LAMA2: variants seen among roughly 807,000 people sequenced by gnomAD.
LAMA2 encodes laminin subunit alpha 2.
A neutral mutation model predicts 364.8 loss-of-function variants in LAMA2; 269 were observed. That is an observed-to-expected ratio of 0.74 (90% CI 0.67 to 0.82). The LOEUF is 0.82. LAMA2 is among the 40% of genes least tolerant of loss of function. LAMA2 has a pLI of 0.00. For synonymous variants in LAMA2, 1,379 were observed against 1,370.6 expected (o/e 1.01, Z -0.14); for missense variants, 3,807 against 3,873.2 (o/e 0.98, Z 0.45).
At chr6:129,135,342 G>A (rs1204814348) in intron 4 of LAMA2, among the ~76,000 whole-genome samples, 1 of 152,124 alleles carries the variant, frequency 6.6e-6, no homozygotes, top group Non-Finnish European at 1.5e-5. Context: ...GGGCCTAGAT[G>A]ACCAGTTCTT....
At chr6:129,247,798 T>C (rs780296140) in intron 12 of LAMA2, among the ~76,000 whole-genome samples, 1 of 152,260 alleles carries the variant, frequency 6.6e-6, no homozygotes, top group Non-Finnish European at 1.5e-5. Context: ...AATGTTTTAC[T>C]ATTATCGCTA....
intron 1 of LAMA2, among the ~76,000 whole-genome samples, chr6:128,916,402 G>C (rs1778318612): frequency 6.6e-6 from 1 of 152,120 alleles, no homozygotes; most frequent in Admixed American, 6.5e-5. Flanking sequence ...GTAGGTACTA[G>C]TTTTAGCAAC....
chr6:129,481,501 C>A, intron 55 of LAMA2, 62 bp downstream of exon 55: 1 of 1,369,130 alleles, frequency 7.3e-7, no homozygotes, highest in Non-Finnish European at 1.0e-6. Flanking sequence ...AGTTAACTTA[C>A]TTTTGTATTT....
chr6:129,152,431 T>C (rs2114973179), intron 7 of LAMA2, among the ~76,000 whole-genome samples: 1 of 152,340 alleles, frequency 6.6e-6, no homozygotes, highest in Non-Finnish European at 1.5e-5. Flanking sequence ...AAATTTTACA[T>C]ATCCTTTGAC....
At chr6:129,318,304 A>C (rs1270408314) in intron 27 of LAMA2, among the ~76,000 whole-genome samples, 1 of 151,918 alleles carries the variant, frequency 6.6e-6, no homozygotes, top group African/African-American at 2.4e-5. Context: ...TCCTTTTATA[A>C]AGTTTAATTT....
intron 43 of LAMA2, 178 bp from the exon 44 acceptor site, chr6:129,442,885 A>G (rs1583761607): frequency 1.7e-6 from 1 of 576,916 alleles, no homozygotes; most frequent in Non-Finnish European, 3.0e-6. Context: ...ACTAAATTAT[A>G]TATTTTGTGT....
chr6:128,912,591 A>G (rs998377844), intron 1 of LAMA2, among the ~76,000 whole-genome samples: 4 of 152,238 alleles, frequency 2.6e-5, no homozygotes, highest in Admixed American at 2.6e-4. Flanking sequence ...AAAAATCCCA[A>G]TTTATTCATT....
Position 128,883,315 on chromosome 6 carries a change from C to G in LAMA2, c.70C>G (p.Arg24Gly), listed in dbSNP as rs868408509. The G allele has an allele frequency of 6.3e-7, 1 of 1,596,768 alleles. No individual in the cohort carries two copies. Among genetic ancestry groups the G allele is most frequent in the Admixed American group, 1.7e-5 (1 of 58,064 alleles). Residue 24 changes from arginine to glycine, a missense_variant, in exon 1 of 65, where the codon CGG (arginine) becomes GGG (glycine). Transcript: ENST00000421865. ...AGGCCTCGGGGGCGTACAGGCGCAG[C>G]GGCCGCAGCAGCAGCGGCAGTCACA... ...SGGLGGVQAQRPQQQRQSQAH... is the reference protein window; with the variant it reads ...SGGLGGVQAQGPQQQRQSQAH...
At chr6:129,115,683 T>G (rs1428391681) in intron 4 of LAMA2, among the ~76,000 whole-genome samples, 2 of 152,004 alleles carry the variant, frequency 1.3e-5, no homozygotes, top group Admixed American at 6.6e-5. Flanking sequence ...TGGTAACAGG[T>G]GGTGTTGCTG....
chr6:129,130,466 A>G (rs897787771), intron 4 of LAMA2, among the ~76,000 whole-genome samples: 1 of 152,244 alleles, frequency 6.6e-6, no homozygotes, highest in Non-Finnish European at 1.5e-5. Flanking sequence ...GCCATCTGAT[A>G]TGGAATGGCA....
At chr6:129,127,556 C>T (rs1173951725) in intron 4 of LAMA2, among the ~76,000 whole-genome samples, 1 of 152,122 alleles carries the variant, frequency 6.6e-6, no homozygotes, top group Admixed American at 6.5e-5. Flanking sequence ...ATTGCTAGAT[C>T]GCATCGTGAT....
At chr6:129,241,834 T>C (rs1017740213) in intron 12 of LAMA2, among the ~76,000 whole-genome samples, 2 of 152,178 alleles carry the variant, frequency 1.3e-5, no homozygotes, top group Non-Finnish European at 2.9e-5. Flanking sequence ...TTTGGGATTC[T>C]TATCTTCTAA....
intron 35 of LAMA2, 145 bp downstream of exon 35, chr6:129,383,378 T>C: frequency 2.7e-6 from 2 of 731,658 alleles, no homozygotes; most frequent in South Asian, 1.5e-5. Flanking sequence ...GGTTAAGATA[T>C]TCAAGGGTAT....
chr6:128,921,800 G>T (rs944744158), intron 1 of LAMA2, among the ~76,000 whole-genome samples: 1 of 150,700 alleles, frequency 6.6e-6, no homozygotes, highest in Non-Finnish European at 1.5e-5. Context: ...CTTGTGCGCT[G>T]CACCCACTAA....
chr6:129,444,013 AG>A (rs1362761580), intron 44 of LAMA2, among the ~76,000 whole-genome samples: 5 of 152,296 alleles, frequency 3.3e-5, no homozygotes, highest in African/African-American at 1.2e-4. Flanking sequence ...TAAATCAAAA[AG>A]GTGACTCCTT....
chr6:129,018,514 G>T (rs1370183040), intron 1 of LAMA2, among the ~76,000 whole-genome samples: 1 of 149,478 alleles, frequency 6.7e-6, no homozygotes, highest in African/African-American at 2.5e-5. Context: ...AAGTTAAATT[G>T]TATTAAGAAA....
intron 1 of LAMA2, among the ~76,000 whole-genome samples, chr6:128,960,739 C>A (rs1781435888): frequency 2.6e-5 from 4 of 152,158 alleles, no homozygotes; most frequent in Admixed American, 1.3e-4. Context: ...TATCTTACAA[C>A]ATTTTAAATA....
intron 1 of LAMA2, among the ~76,000 whole-genome samples, chr6:128,908,526 T>C (rs1364629151): frequency 3.4e-5 from 5 of 146,660 alleles, no homozygotes; most frequent in Admixed American, 2.1e-4. Flanking sequence ...TCTTCTCTCT[T>C]TTTTTCTTTA....
intron 1 of LAMA2, among the ~76,000 whole-genome samples, chr6:128,904,189 G>A (rs1021334877): frequency 1.3e-5 from 2 of 152,226 alleles, no homozygotes; most frequent in Non-Finnish European, 2.9e-5. Context: ...TCTGTCTGGA[G>A]TTAGTAACCA....
Sources: gnomAD v4.1 joint callset for allele counts (sites outside exome capture counted in the v4.1 genomes callset) on GRCh38, gnomAD v4.1.1 for gene constraint, MANE v1.5 for transcripts, NCBI Gene and HGNC (gene_info 2026-07-23, HGNC 2026-07-21) for gene names.